RASA2: variants seen among roughly 807,000 people sequenced by gnomAD.
The protein encoded by RASA2 is ras GTPase-activating protein 2.
In RASA2, 155 loss-of-function variants were observed where a neutral mutation model predicts 118.2. That is an observed-to-expected ratio of 1.31 (90% CI 1.15 to 1.50). RASA2 has a LOEUF of 1.50. RASA2 is among the 40% of genes most tolerant of loss of function. The pLI is 0.00. For missense variants in RASA2, 1,016 were observed against 1,009.6 expected (o/e 1.01, Z -0.09); for synonymous variants, 353 against 349.1 (o/e 1.01, Z -0.12).
intron 1 of RASA2, among the ~76,000 whole-genome samples, chr3:141,501,253 C>T (rs1385478404): frequency 6.6e-6 from 1 of 152,010 alleles, no homozygotes; most frequent in Non-Finnish European, 1.5e-5. Context: ...AATAGAAATC[C>T]ATTGATTCTG....
chr3:141,516,489 C>T, intron 3 of RASA2, 58 bp downstream of exon 3: 8 of 1,238,026 alleles, frequency 6.5e-6, no homozygotes, highest in Non-Finnish European at 8.3e-6. Flanking sequence ...TTCATTCGTT[C>T]TCTTAGTATA....
chr3:141,551,307 A>G lies in RASA2; in HGVS notation c.528-2550A>G, dbSNP rs181266685. Among the ~76,000 whole-genome samples, 417 of 152,322 alleles carry G rather than the reference A, an allele frequency of 2.7e-3. 1 individual carries two copies. Among genetic ancestry groups the G allele is most frequent in the African/African-American group, 9.7e-3 (404 of 41,566 alleles). On this transcript the variant is annotated intron_variant, in intron 5 of 23. Coordinates refer to ENST00000286364, the MANE Select transcript of RASA2 (RefSeq NM_006506.5). The stretch of plus-strand genomic sequence containing the variant: ...ACTGGAGGGCTTATGTTTTCCTACT[A>G]TTAAGGCAGTACCCATGAATTACCA...
At chr3:141,599,195 A>G (rs1577814960) in intron 19 of RASA2, among the ~76,000 whole-genome samples, 1 of 151,542 alleles carries the variant, frequency 6.6e-6, no homozygotes, top group East Asian at 1.9e-4. Flanking sequence ...ATAAAAAGAG[A>G]CATGTCATGT....
intron 9 of RASA2, among the ~76,000 whole-genome samples, chr3:141,564,397 T>A (rs1404393045): frequency 6.6e-6 from 1 of 152,156 alleles, no homozygotes; most frequent in African/African-American, 2.4e-5. Context: ...TGTAACTGAG[T>A]AAGCAGTAAT....
At chr3:141,566,841 C>T (rs1395194311) in intron 9 of RASA2, among the ~76,000 whole-genome samples, 1 of 151,910 alleles carries the variant, frequency 6.6e-6, no homozygotes, top group African/African-American at 2.4e-5. Flanking sequence ...AAAAAGTGAC[C>T]CAAGGCTTCA....
chr3:141,597,618 T>C (rs1560059964), intron 19 of RASA2, among the ~76,000 whole-genome samples: 1 of 152,100 alleles, frequency 6.6e-6, no homozygotes, highest in Non-Finnish European at 1.5e-5. Context: ...TCAAATAGGC[T>C]CACCTTAATA....
intron 19 of RASA2, among the ~76,000 whole-genome samples, chr3:141,590,292 T>TG (rs1236609516): frequency 6.6e-6 from 1 of 152,224 alleles, no homozygotes; most frequent in East Asian, 1.9e-4. Flanking sequence ...CTAAATGCCT[T>TG]GGACTGCTGT....
At chr3:141,550,822 A>G (rs968162024) in intron 5 of RASA2, among the ~76,000 whole-genome samples, 1 of 152,164 alleles carries the variant, frequency 6.6e-6, no homozygotes, top group African/African-American at 2.4e-5. Context: ...GCGCCACTGC[A>G]CTCCAGCCTG....
intron 2 of RASA2, among the ~76,000 whole-genome samples, chr3:141,515,801 G>A (rs1156708639): frequency 6.6e-6 from 1 of 151,160 alleles, no homozygotes; most frequent in Non-Finnish European, 1.5e-5. Flanking sequence ...TCGGGAGGCT[G>A]AGGCAGGAGA....
intron 19 of RASA2, chr3:141,590,098 T>C (rs1264404445): frequency 2.2e-6 from 1 of 455,988 alleles, no homozygotes; most frequent in Non-Finnish European, 4.4e-6. Flanking sequence ...TTTTCCAAAA[T>C]ATATTACATG....
At chr3:141,513,081 CA>C (rs200201086) in intron 2 of RASA2, among the ~76,000 whole-genome samples, 3,269 of 138,956 alleles carry the variant, frequency 0.024, 133 homozygotes, top group African/African-American at 0.085. Flanking sequence ...AAAAAAAAAA[CA>C]AAAAAACGAA....
chr3:141,491,132 T>C (rs987939404), intron 1 of RASA2, among the ~76,000 whole-genome samples: 1 of 152,254 alleles, frequency 6.6e-6, no homozygotes, highest in African/African-American at 2.4e-5. Flanking sequence ...AGCTCACTTA[T>C]CTTGAAGCTT....
intron 4 of RASA2, among the ~76,000 whole-genome samples, chr3:141,536,884 A>G (rs2082334924): frequency 6.6e-6 from 1 of 150,412 alleles, no homozygotes; most frequent in Non-Finnish European, 1.5e-5. Context: ...AATAGCTGGG[A>G]TTACAGGCAT....
At position 141,586,741 on chromosome 3, in the gene RASA2, A is replaced by C; in HGVS notation, c.1922A>C (p.His641Pro). The change falls in exon 19 of 24, where the codon CAC becomes CCC. Residue 641 changes from histidine to proline, a missense_variant. Physicochemically the swap from His to Pro is moderately conservative, Grantham distance 77. Coordinates refer to ENST00000286364, the MANE Select transcript of RASA2 (RefSeq NM_006506.5). The part of the protein sequence containing the change: ...FCLTSRELTY[H>P]KQPGKDAIYT... ...TTAACAAGCAGAGAGCTCACCTACC[A>C]CAAACAGCCAGGTAGTTGTGTTTAT... 6.2e-7 allele frequency: 1 copy of C among 1,610,892 alleles called. No individual in the cohort carries two copies. The highest frequency in any genetic ancestry group is 8.5e-7 in the Non-Finnish European group (1 of 1,177,260).
At chr3:141,590,323 C>T (rs1321052355) in intron 19 of RASA2, among the ~76,000 whole-genome samples, 2 of 152,154 alleles carry the variant, frequency 1.3e-5, no homozygotes, top group African/African-American at 2.4e-5. Flanking sequence ...TTCCTATGTT[C>T]GCTTTATACA....
chr3:141,595,355 A>G (rs755465627), intron 19 of RASA2, among the ~76,000 whole-genome samples: 4 of 152,242 alleles, frequency 2.6e-5, no homozygotes, highest in African/African-American at 7.2e-5. Context: ...ACTTTCTACA[A>G]TATATCCACG....
At chr3:141,562,695 A>G (rs1329115348) in intron 9 of RASA2, among the ~76,000 whole-genome samples, 2 of 148,564 alleles carry the variant, frequency 1.3e-5, no homozygotes, top group African/African-American at 2.5e-5. Flanking sequence ...TTTTTTTTAT[A>G]CGGAGTCTCG....
chr3:141,562,423 A>AC (rs71151496), intron 9 of RASA2, among the ~76,000 whole-genome samples: 146,264 of 146,264 alleles, frequency 1, 73,132 homozygotes, highest in Non-Finnish European at 1. Context: ...GGAGATCGAG[A>AC]CATCCTGGCT....
chr3:141,548,122 C>T (rs1033951121), intron 5 of RASA2, among the ~76,000 whole-genome samples: 12 of 152,112 alleles, frequency 7.9e-5, no homozygotes, highest in Admixed American at 6.5e-4. Context: ...CAAGGTTCAT[C>T]AGGGATATTG....
Sources: gnomAD v4.1 joint callset for allele counts (sites outside exome capture counted in the v4.1 genomes callset) on GRCh38, gnomAD v4.1.1 for gene constraint, MANE v1.5 for transcripts, NCBI Gene and HGNC (gene_info 2026-07-23, HGNC 2026-07-21) for gene names.